Variants in THSD7A observed in about 807,000 individuals in gnomAD.
THSD7A encodes thrombospondin type-1 domain-containing protein 7A.
THSD7A carries 96 observed loss-of-function variants against 231.3 expected under a neutral mutation model. That is an observed-to-expected ratio of 0.41 (90% CI 0.35 to 0.49). THSD7A has a LOEUF of 0.49. Ranked by LOEUF, THSD7A falls within the 20% of genes least tolerant of loss-of-function variation. THSD7A has a pLI of 0.05. For synonymous variants in THSD7A, 940 were observed against 743.3 expected (o/e 1.26, Z -4.30); for missense variants, 2,290 against 2,070.2 (o/e 1.11, Z -2.06).
At chr7:11,744,012 T>C (rs1287080220) in intron 1 of THSD7A, among the ~76,000 whole-genome samples, 1 of 151,910 alleles carries the variant, frequency 6.6e-6, no homozygotes, top group Non-Finnish European at 1.5e-5. Flanking sequence ...CAGACTAGAC[T>C]GACAGTCTTC....
chr7:11,624,667 T>A (rs1199342967), intron 2 of THSD7A, among the ~76,000 whole-genome samples: 1 of 152,158 alleles, frequency 6.6e-6, no homozygotes, highest in Non-Finnish European at 1.5e-5. Context: ...GTAAGATTTA[T>A]CCTTTCATCA....
intron 4 of THSD7A, among the ~76,000 whole-genome samples, chr7:11,555,942 A>G (rs1159315734): frequency 6.6e-6 from 1 of 151,608 alleles, no homozygotes; most frequent in Non-Finnish European, 1.5e-5. Context: ...GTTTCTCATT[A>G]TTTTACTTTA....
chr7:11,489,081 T>A lies in THSD7A; in HGVS notation c.1823-7099A>T, dbSNP rs148166319. ...CCCTGTTCACTCACCTTTACTTCCA[T>A]TAGCCTATGAGAACCTTCTGGCCAG... On this transcript the variant is annotated intron_variant, in intron 6 of 27. Transcript: ENST00000423059. Among the ~76,000 whole-genome samples, 1,149 of 152,268 alleles carry A rather than the reference T, an allele frequency of 7.5e-3. 10 individuals are homozygous for A. Among genetic ancestry groups the A allele is most frequent in the African/African-American group, 0.027 (1,103 of 41,564 alleles).
chr7:11,521,050 T>C (rs1788240535), intron 6 of THSD7A, among the ~76,000 whole-genome samples: 1 of 152,178 alleles, frequency 6.6e-6, no homozygotes, highest in Admixed American at 6.6e-5. Context: ...ATTTAAAATG[T>C]ATGTGCTTTT....
chr7:11,508,745 G>A (rs1179274070), intron 6 of THSD7A, among the ~76,000 whole-genome samples: 3 of 152,174 alleles, frequency 2.0e-5, no homozygotes, highest in Non-Finnish European at 4.4e-5. Flanking sequence ...ACTCATAGTG[G>A]AATAACATTC....
intron 1 of THSD7A, among the ~76,000 whole-genome samples, chr7:11,725,295 T>C (rs1649211014): frequency 6.6e-6 from 1 of 151,976 alleles, no homozygotes; most frequent in African/African-American, 2.4e-5. Flanking sequence ...ATACTCTGAT[T>C]TGAGATGTCT....
chr7:11,469,961 C>T lies in THSD7A; in HGVS notation c.2286G>A (p.Arg762=). The part of the protein sequence containing the change: ...CPESLRPETV[R]PCLLPCKKDC... ...CCTTCTTACAAGGAAGCAGACAAGG[C>T]CTTACAGTTTCAGGTCGAAGGCTTT... The change falls in exon 9 of 28, where the codon AGG becomes AGA. Residue 762 remains arginine, a synonymous_variant. Transcript: ENST00000423059. 1 of 1,598,904 alleles carries T rather than the reference C, an allele frequency of 6.3e-7. No individual in the cohort carries two copies. Among genetic ancestry groups the T allele is most frequent in the Non-Finnish European group, 8.5e-7 (1 of 1,171,848 alleles).
chr7:11,764,230 C>T (rs1020772986), intron 1 of THSD7A, among the ~76,000 whole-genome samples: 2 of 152,058 alleles, frequency 1.3e-5, no homozygotes, highest in African/African-American at 4.8e-5. Context: ...TCATAAAATA[C>T]CAACTGAAAT....
At chr7:11,403,466 A>C (rs1783476917) in intron 22 of THSD7A, among the ~76,000 whole-genome samples, 2 of 152,196 alleles carry the variant, frequency 1.3e-5, no homozygotes, top group Non-Finnish European at 2.9e-5. Context: ...TAGTCTGAGA[A>C]AGTTTTAGAA....
At chr7:11,426,900 A>G (rs1050368092) in intron 14 of THSD7A, among the ~76,000 whole-genome samples, 1 of 152,238 alleles carries the variant, frequency 6.6e-6, no homozygotes, top group African/African-American at 2.4e-5. Flanking sequence ...TGTAAATAGC[A>G]GAGCCAATGA....
chr7:11,569,912 T>C (rs534578028), intron 4 of THSD7A, among the ~76,000 whole-genome samples: 57 of 152,204 alleles, frequency 3.7e-4, no homozygotes, highest in Middle Eastern at 3.4e-3. Flanking sequence ...GTGACTCACA[T>C]TGTAATCCCA....
At position 11,781,020 on chromosome 7, in the gene THSD7A, AAAAAAAAAAAAAAAAAAAT is replaced by A. The variant is rs1338109786; in HGVS notation, c.190+50718_190+50736del. ...CTCAAAAAAAAAAAAAAAAAAAAAA[AAAAAAAAAAAAAAAAAAAT>A]TTATAGGGAGAATTATGAAGCAATG... is the stretch of plus-strand genomic sequence containing the variant. On this transcript the variant is annotated intron_variant, in intron 1 of 27. Transcript: ENST00000423059. Among the ~76,000 whole-genome samples, 148 of 144,074 alleles carry A rather than the reference AAAAAAAAAAAAAAAAAAAT, an allele frequency of 1.0e-3. 1 individual carries two copies. The highest frequency in any genetic ancestry group is 3.6e-3 in the African/African-American group (140 of 38,846). 94.5% of individuals were successfully genotyped at this position (144,074 alleles called of 152,430 possible).
intron 1 of THSD7A, among the ~76,000 whole-genome samples, chr7:11,722,156 T>C (rs1235000624): frequency 6.6e-6 from 1 of 151,874 alleles, no homozygotes; most frequent in Non-Finnish European, 1.5e-5. Flanking sequence ...TAGCTAACCA[T>C]AGGAGGAATT....
At chr7:11,809,096 T>C (rs980365646) in intron 1 of THSD7A, among the ~76,000 whole-genome samples, 3 of 152,152 alleles carry the variant, frequency 2.0e-5, no homozygotes, top group Admixed American at 2.0e-4. Context: ...CATGTACTGA[T>C]ACCTAGTATA....
At chr7:11,664,018 G>A (rs1459401437) in intron 1 of THSD7A, among the ~76,000 whole-genome samples, 1 of 147,110 alleles carries the variant, frequency 6.8e-6, no homozygotes, top group Admixed American at 6.8e-5. Flanking sequence ...AAATAGAAGT[G>A]CTCCAACTTG....
intron 1 of THSD7A, among the ~76,000 whole-genome samples, chr7:11,729,046 A>AC: frequency 6.6e-6 from 1 of 151,960 alleles, no homozygotes; most frequent in East Asian, 1.9e-4. Context: ...CCTGGTCAAA[A>AC]AAAATGACTG....
In THSD7A at chr7:11,724,365, C is replaced by T. The variant is rs543528511; in HGVS notation, c.191-87404G>A. ...TGGCATATGTTGCATCAATGTTAGA[C>T]ATATCCCTTTATTAAACACTTCTAA... On this transcript the variant is annotated intron_variant, in intron 1 of 27. Transcript: ENST00000423059. Among the ~76,000 whole-genome samples, 106 of 152,030 alleles carry T rather than the reference C, an allele frequency of 7.0e-4. 2 individuals are homozygous for T. The highest frequency in any genetic ancestry group is 2.4e-3 in the African/African-American group (98 of 41,534).
chr7:11,599,613 G>A (rs1257620396), intron 2 of THSD7A, among the ~76,000 whole-genome samples: 1 of 152,086 alleles, frequency 6.6e-6, no homozygotes, highest in East Asian at 1.9e-4. Flanking sequence ...TGCATTTCTG[G>A]TTGTACGAAG....
At chr7:11,764,263 A>G (rs1583270349) in intron 1 of THSD7A, among the ~76,000 whole-genome samples, 1 of 152,202 alleles carries the variant, frequency 6.6e-6, no homozygotes, top group East Asian at 1.9e-4. Context: ...ATTTACAAAT[A>G]GTCTATAGTA....
Sources: gnomAD v4.1 joint callset for allele counts (sites outside exome capture counted in the v4.1 genomes callset) on GRCh38, gnomAD v4.1.1 for gene constraint, MANE v1.5 for transcripts, NCBI Gene and HGNC (gene_info 2026-07-23, HGNC 2026-07-21) for gene names.